Variants in ANKS1B observed in about 807,000 individuals in gnomAD.
ANKS1B encodes the protein ankyrin repeat and sterile alpha motif domain containing 1B, also known as ankyrin repeat and sterile alpha motif domain-containing protein 1B.
In ANKS1B, 36 loss-of-function variants were observed where a neutral mutation model predicts 148.3. That is an observed-to-expected ratio of 0.24 (90% CI 0.19 to 0.32). ANKS1B has a LOEUF of 0.32. Among genes scored for constraint, ANKS1B ranks in the 10% least tolerant of loss-of-function variants. The pLI is 1.00. For missense variants in ANKS1B, 1,157 were observed against 1,542.6 expected (o/e 0.75, Z 4.19); for synonymous variants, 542 against 560.8 (o/e 0.97, Z 0.47).
At chr12:99,041,613 T>C (rs929223877) in intron 17 of ANKS1B, among the ~76,000 whole-genome samples, 7 of 152,176 alleles carry the variant, frequency 4.6e-5, no homozygotes, top group African/African-American at 1.7e-4. Flanking sequence ...TTAGATTTTC[T>C]GAGATGGTTT....
intron 1 of ANKS1B, among the ~76,000 whole-genome samples, chr12:99,890,319 G>A (rs532452521): frequency 2.6e-5 from 4 of 152,218 alleles, no homozygotes; most frequent in African/African-American, 9.6e-5. Flanking sequence ...CATACAATCA[G>A]TCAAAATCTT....
At chr12:99,256,841 G>C (rs897361487) in intron 12 of ANKS1B, among the ~76,000 whole-genome samples, 2 of 151,864 alleles carry the variant, frequency 1.3e-5, no homozygotes, top group South Asian at 4.2e-4. Context: ...TATTTATCCT[G>C]CTTGGAATAC....
At chr12:99,929,936 C>A (rs993141567) in intron 1 of ANKS1B, among the ~76,000 whole-genome samples, 9 of 152,098 alleles carry the variant, frequency 5.9e-5, no homozygotes, top group African/African-American at 2.2e-4. Flanking sequence ...TAGCATGATG[C>A]CTCCAGCTTT....
At chr12:99,211,967 T>C (rs2083399829) in intron 14 of ANKS1B, among the ~76,000 whole-genome samples, 1 of 152,192 alleles carries the variant, frequency 6.6e-6, no homozygotes, top group Non-Finnish European at 1.5e-5. Context: ...GGCAGAATGC[T>C]AGCTCTCTCA....
At chr12:99,152,584 CA>C (rs534345958) in intron 15 of ANKS1B, among the ~76,000 whole-genome samples, 3 of 152,042 alleles carry the variant, frequency 2.0e-5, no homozygotes, top group African/African-American at 7.2e-5. Context: ...TCGAGGCTTT[CA>C]AAAAGGTATT....
rs115933393 is a variant in ANKS1B, at chr12:99,984,467, G to A, written c.-230C>T. 1,819 of 426,012 alleles carry A rather than the reference G, an allele frequency of 4.3e-3. 26 individuals carry two copies. Among genetic ancestry groups the A allele is most frequent in the African/African-American group, 0.032 (1,616 of 50,638 alleles). The allele number at this position is 426,012 out of a possible 1,614,324, so 26.4% of individuals were successfully genotyped here. A position where few individuals can be genotyped will look rare whatever the true frequency, so the allele number is the denominator to read the frequency against. ...CCATGTCTTGAAAGAGGGGCTGGCCGAGCTGGGAGCCGCGACGCGCCCCCA... is the reference window on the plus strand; with the variant it reads ...CCATGTCTTGAAAGAGGGGCTGGCCAAGCTGGGAGCCGCGACGCGCCCCCA... On this transcript the variant is annotated 5_prime_UTR_variant, in exon 1 of 27. Transcript: ENST00000683438.
At chr12:99,618,357 A>G (rs2097998142) in intron 9 of ANKS1B, among the ~76,000 whole-genome samples, 1 of 152,220 alleles carries the variant, frequency 6.6e-6, no homozygotes, top group Non-Finnish European at 1.5e-5. Flanking sequence ...TAAAATCTCT[A>G]TACTGCGTTT....
chr12:98,823,102 T>C (rs1213872443), intron 19 of ANKS1B, among the ~76,000 whole-genome samples: 1 of 152,216 alleles, frequency 6.6e-6, no homozygotes, highest in East Asian at 1.9e-4. Flanking sequence ...TTTTCCACTT[T>C]TGTGTTGGTC....
intron 16 of ANKS1B, among the ~76,000 whole-genome samples, chr12:99,065,185 T>C (rs964455081): frequency 1.5e-4 from 23 of 152,182 alleles, no homozygotes; most frequent in Non-Finnish European, 3.4e-4. Context: ...ATGCAGCTAT[T>C]TGGTGGTTAT....
At chr12:99,292,471 C>T (rs1179700356) in intron 12 of ANKS1B, among the ~76,000 whole-genome samples, 9 of 150,870 alleles carry the variant, frequency 6.0e-5, no homozygotes, top group South Asian at 2.1e-4. Flanking sequence ...GCCAAAATCA[C>T]GCCACTGCAC....
chr12:99,867,794 GTGTTGT>G (rs765873440), intron 1 of ANKS1B, among the ~76,000 whole-genome samples: 2 of 152,028 alleles, frequency 1.3e-5, no homozygotes, highest in South Asian at 2.1e-4. Flanking sequence ...TTCCAAATGT[GTGTTGT>G]TGTTGTTGTT....
At chr12:99,244,307 T>A in intron 14 of ANKS1B, 35 bp downstream of exon 14, 1 of 1,471,248 alleles carries the variant, frequency 6.8e-7, no homozygotes, top group Non-Finnish European at 9.4e-7. Flanking sequence ...CTTAAGCACA[T>A]TTATTCATTA....
At chr12:99,189,249 A>C (rs775982579) in intron 14 of ANKS1B, among the ~76,000 whole-genome samples, 1 of 152,196 alleles carries the variant, frequency 6.6e-6, no homozygotes, top group Admixed American at 6.5e-5. Flanking sequence ...TTCGCAGCCG[A>C]ATTCTACCAG....
chr12:99,005,675 T>A (rs2099935747), intron 17 of ANKS1B, among the ~76,000 whole-genome samples: 1 of 152,192 alleles, frequency 6.6e-6, no homozygotes, highest in African/African-American at 2.4e-5. Flanking sequence ...AAGACGCCAT[T>A]TGAATAGTGA....
At chr12:99,658,064 G>C (rs2098458852) in intron 8 of ANKS1B, among the ~76,000 whole-genome samples, 1 of 152,040 alleles carries the variant, frequency 6.6e-6, no homozygotes, top group Non-Finnish European at 1.5e-5. Context: ...ACTCACCTCA[G>C]ATTATAACCA....
chr12:99,718,594 C>G (rs1005464191), intron 8 of ANKS1B, among the ~76,000 whole-genome samples: 1 of 152,218 alleles, frequency 6.6e-6, no homozygotes, highest in Admixed American at 6.5e-5. Flanking sequence ...CCCTATTTTA[C>G]CTGTCCTAGA....
chr12:99,053,009 G>A (rs1172046224), intron 17 of ANKS1B, 148 bp downstream of exon 17: 1 of 676,232 alleles, frequency 1.5e-6, no homozygotes, highest in East Asian at 3.3e-5. Context: ...AAAAGACAAT[G>A]ACTCTGGAGC....
chr12:99,709,690 G>A (rs1402396813), intron 8 of ANKS1B, among the ~76,000 whole-genome samples: 1 of 151,894 alleles, frequency 6.6e-6, no homozygotes, highest in Non-Finnish European at 1.5e-5. Context: ...AAAACACAAT[G>A]GTTCTTTCAG....
At chr12:99,632,767 A>ATATATATATATG (rs1441486862) in intron 9 of ANKS1B, among the ~76,000 whole-genome samples, 1 of 71,336 alleles carries the variant, frequency 1.4e-5, no homozygotes, top group African/African-American at 4.8e-5. Context: ...ATATATATAT[A>ATATATATATATG]TTTTAATTAT....
Sources: allele counts gnomAD v4.1 joint callset (sites outside exome capture counted in the v4.1 genomes callset), GRCh38; gene constraint gnomAD v4.1.1; transcripts MANE v1.5; gene names NCBI Gene and HGNC (gene_info 2026-07-23, HGNC 2026-07-21).